Variants in IL1RAPL1 observed in about 807,000 individuals in gnomAD.
IL1RAPL1 encodes the protein interleukin 1 receptor accessory protein like 1, also known as interleukin-1 receptor accessory protein-like 1.
A neutral mutation model predicts 48.4 loss-of-function variants in IL1RAPL1; 3 were observed. The observed-to-expected ratio is 0.06, with a 90% CI of 0.03 to 0.16. IL1RAPL1 has a LOEUF of 0.16. Among genes scored for constraint, IL1RAPL1 ranks in the 10% least tolerant of loss-of-function variants. The probability of loss-of-function intolerance (pLI) is 1.00; values close to 1 mark genes in which losing one functional copy is unlikely to be tolerated. For synonymous variants in IL1RAPL1, 185 were observed against 187.7 expected, an observed-to-expected ratio of 0.99 and a Z score of 0.12; for missense variants, 349 against 530.6, an observed-to-expected ratio of 0.66 and a Z score of 3.36.
intron 6 of IL1RAPL1, among the ~76,000 whole-genome samples, chrX:29,812,344 A>C (rs1225390383): frequency 8.9e-6 from 1 of 112,112 alleles, no homozygotes; most frequent in East Asian, 2.8e-4. Context: ...CTCTACCATG[A>C]ATATGCATTA....
chrX:29,491,064 T>G (rs1329344369), intron 5 of IL1RAPL1, among the ~76,000 whole-genome samples: 2 of 111,666 alleles, frequency 1.8e-5, no homozygotes, highest in East Asian at 5.5e-4. Flanking sequence ...ACCATTACAT[T>G]GAAAACATGA....
At chrX:28,873,626 G>T (rs1254298087) in intron 2 of IL1RAPL1, among the ~76,000 whole-genome samples, 1 of 102,784 alleles carries the variant, frequency 9.7e-6, no homozygotes, top group Non-Finnish European at 2.0e-5. Context: ...CCGCCTCCGG[G>T]GTTCACGCCA....
intron 5 of IL1RAPL1, among the ~76,000 whole-genome samples, chrX:29,418,121 A>ATTTTTTTT (rs1347883796): frequency 2.5e-5 from 1 of 40,289 alleles, no homozygotes; most frequent in Non-Finnish European, 3.9e-5. Context: ...ATATATATAT[A>ATTTTTTTT]TATATTTTTT....
At chrX:28,673,366 A>C (rs760123990) in intron 1 of IL1RAPL1, among the ~76,000 whole-genome samples, 132 of 112,362 alleles carry the variant, frequency 1.2e-3, no homozygotes, top group African/African-American at 4.1e-3. Flanking sequence ...TAAAGACTTA[A>C]GTGTAAAACC....
At chrX:29,223,790 G>A (rs1441824763) in intron 2 of IL1RAPL1, among the ~76,000 whole-genome samples, 1 of 110,248 alleles carries the variant, frequency 9.1e-6, no homozygotes, top group African/African-American at 3.3e-5. Context: ...TGATCCACCC[G>A]CCTCGTCCTC....
intron 2 of IL1RAPL1, among the ~76,000 whole-genome samples, chrX:29,153,663 T>C (rs750578504): frequency 2.7e-5 from 3 of 112,645 alleles, no homozygotes; most frequent in Non-Finnish European, 5.6e-5. Flanking sequence ...TTCTAGCATT[T>C]TCAAAATAAA....
intron 6 of IL1RAPL1, among the ~76,000 whole-genome samples, chrX:29,915,898 C>T (rs1220203169): frequency 2.0e-5 from 1 of 48,997 alleles, no homozygotes; most frequent in East Asian, 7.5e-4. Flanking sequence ...ATCCCTCCCC[C>T]CTCCCCCCAC....
chrX:28,993,860 TAAAC>T (rs1466580107), intron 2 of IL1RAPL1, among the ~76,000 whole-genome samples: 2 of 111,875 alleles, frequency 1.8e-5, no homozygotes, highest in Non-Finnish European at 3.8e-5. Context: ...ATAAAATAAT[TAAAC>T]AATACCAACA....
intron 3 of IL1RAPL1, among the ~76,000 whole-genome samples, chrX:29,329,152 C>T (rs1932864218): frequency 9.0e-6 from 1 of 111,082 alleles, no homozygotes; most frequent in Admixed American, 9.6e-5. Flanking sequence ...AGATTCTAAA[C>T]ACACACACAT....
rs115983150 is a variant in IL1RAPL1 at position 28,959,998 on chromosome X, C to A, written c.82+170573C>A. On this transcript the variant is annotated intron_variant, in intron 2 of 10. Coordinates refer to ENST00000378993, the MANE Select transcript of IL1RAPL1 (RefSeq NM_014271.4). Reference sequence around the variant, plus strand: ...ATGGCTCAAATGGAGAGAAGAGGACCCAGGTAACAAAGGAGAAAGATAAAA... The same window carrying A: ...ATGGCTCAAATGGAGAGAAGAGGACACAGGTAACAAAGGAGAAAGATAAAA... Among the ~76,000 whole-genome samples, 960 of 111,060 alleles carry A rather than the reference C, an allele frequency of 8.6e-3. 12 individuals carry two copies. The highest frequency in any genetic ancestry group is 0.03 in the African/African-American group (921 of 30,560).
In IL1RAPL1 at chrX:29,331,646, C is replaced by T. The variant is rs370094406; in HGVS notation, c.362+48429C>T. On this transcript the variant is annotated intron_variant, in intron 3 of 10. Coordinates refer to ENST00000378993, the MANE Select transcript of IL1RAPL1 (RefSeq NM_014271.4). The stretch of plus-strand genomic sequence containing the variant: ...TGATTTGTAACTCACACTAGTATTT[C>T]GCATCTGTTGTAACATGGTGCCTAG... 1.5e-4 allele frequency among the ~76,000 whole-genome samples: 17 copies of T among 112,303 alleles called. 1 individual carries two copies. Among genetic ancestry groups the T allele is most frequent in the African/African-American group, 5.5e-4 (17 of 31,008 alleles).
chrX:29,804,459 G>A (rs1302226401), intron 6 of IL1RAPL1, among the ~76,000 whole-genome samples: 1 of 111,935 alleles, frequency 8.9e-6, no homozygotes, highest in African/African-American at 3.2e-5. Context: ...GCCAGGTGGA[G>A]ATAACTGAAT....
rs189385227 is a variant in IL1RAPL1, at chrX:28,855,626, T to C, written c.82+66201T>C. 1.6e-3 allele frequency among the ~76,000 whole-genome samples: 175 copies of C among 111,440 alleles called. 2 individuals carry two copies. The highest frequency in any genetic ancestry group is 5.3e-3 in the African/African-American group (164 of 30,774). ...TTTCTGAATAAAGACAAAAAACTTA[T>C]ATGCACTTATTGATCTGTTGCAGTC... On this transcript the variant is annotated intron_variant, in intron 2 of 10. Coordinates refer to ENST00000378993, the MANE Select transcript of IL1RAPL1 (RefSeq NM_014271.4).
At position 28,928,614 on chromosome X, in the gene IL1RAPL1, G is replaced by C. The variant is rs960901387; in HGVS notation, c.82+139189G>C. 5.4e-5 allele frequency among the ~76,000 whole-genome samples: 6 copies of C among 111,613 alleles called. No homozygotes were observed. The East Asian group carries it at 8.5e-4, about 16-fold the overall frequency. On this transcript the variant is annotated intron_variant, in intron 2 of 10. Coordinates refer to ENST00000378993, the MANE Select transcript of IL1RAPL1 (RefSeq NM_014271.4). ...CTCTGCATGAAATGTTCTTACTTCA[G>C]ATCATCTCTATGTGGGCTTCTCCCT...
chrX:28,879,130 T>C (rs1922445880), intron 2 of IL1RAPL1, among the ~76,000 whole-genome samples: 1 of 112,035 alleles, frequency 8.9e-6, no homozygotes, highest in Non-Finnish European at 1.9e-5. Context: ...ATGGTTCTTT[T>C]ATTTTTCTCT....
chrX:29,414,935 T>C (rs1259649695), intron 5 of IL1RAPL1, among the ~76,000 whole-genome samples: 3 of 111,885 alleles, frequency 2.7e-5, no homozygotes, highest in Non-Finnish European at 5.6e-5. Flanking sequence ...AAACTTCTAT[T>C]GTTCAACTTT....
chrX:29,560,814 T>C (rs1048372077), intron 5 of IL1RAPL1, among the ~76,000 whole-genome samples: 3 of 112,457 alleles, frequency 2.7e-5, no homozygotes, highest in Non-Finnish European at 5.6e-5. Flanking sequence ...GAGCTTTTTG[T>C]AAAGAGTTAC....
At position 29,418,090 on chromosome X, in the gene IL1RAPL1, AATATATATATAT is replaced by A. The variant is rs1184407912; in HGVS notation, c.703+18807_703+18818del. The stretch of plus-strand genomic sequence containing the variant: ...AGAAACGTGTTCTTTTTAAAAAAGT[AATATATATATAT>A]ATATATATATATATATATATATATT... On this transcript the variant is annotated intron_variant, in intron 5 of 10. Coordinates refer to ENST00000378993, the MANE Select transcript of IL1RAPL1 (RefSeq NM_014271.4). Among the ~76,000 whole-genome samples, 99 of 51,019 alleles carry A rather than the reference AATATATATATAT, an allele frequency of 1.9e-3. 1 individual carries two copies. The highest frequency in any genetic ancestry group is 2.7e-3 in the Admixed American group (8 of 2,973). The allele number at this position is 51,019 out of a possible 115,157, so 44.3% of individuals were successfully genotyped here.
chrX:29,407,234 C>A (rs1245221599), intron 5 of IL1RAPL1, among the ~76,000 whole-genome samples: 2 of 111,600 alleles, frequency 1.8e-5, no homozygotes, highest in African/African-American at 6.5e-5. Context: ...TTATAAACCC[C>A]TTCCTCTCCA....
Sources: gnomAD v4.1 joint callset for allele counts (sites outside exome capture counted in the v4.1 genomes callset) on GRCh38, gnomAD v4.1.1 for gene constraint, MANE v1.5 for transcripts, NCBI Gene and HGNC (gene_info 2026-07-23, HGNC 2026-07-21) for gene names.